The following CTNNA2 variants were observed in gnomAD, a reference collection of about 807,000 sequenced individuals.
CTNNA2 encodes catenin alpha-2.
In CTNNA2, 42 loss-of-function variants were observed where a neutral mutation model predicts 101.0. The ratio of observed to expected loss-of-function variants is 0.42; its 90% CI spans 0.32 to 0.54. CTNNA2 has a LOEUF of 0.54. CTNNA2 is among the 20% of genes least tolerant of loss of function. CTNNA2 has a pLI of 0.14. For synonymous variants in CTNNA2, 450 were observed against 456.4 expected (o/e 0.99, Z 0.18); for missense variants, 871 against 1,223.1 (o/e 0.71, Z 4.29).
chr2:79,881,903 G>A (rs779870187), intron 6 of CTNNA2, among the ~76,000 whole-genome samples: 26 of 149,866 alleles, frequency 1.7e-4, no homozygotes, highest in South Asian at 8.6e-4. Flanking sequence ...TCATAGAGTC[G>A]TTGGCCTTTA....
intron 6 of CTNNA2, among the ~76,000 whole-genome samples, chr2:79,906,785 C>G (rs530290291): frequency 6.6e-6 from 1 of 152,100 alleles, no homozygotes; most frequent in African/African-American, 2.4e-5. Flanking sequence ...TTTCCATGCT[C>G]GAATAGATTT....
At chr2:80,507,119 A>G (rs988689101) in intron 9 of CTNNA2, among the ~76,000 whole-genome samples, 1 of 152,222 alleles carries the variant, frequency 6.6e-6, no homozygotes, top group African/African-American at 2.4e-5. Context: ...TTAGGGTACC[A>G]TGGCAATTTA....
chr2:80,619,179 C>T lies in CTNNA2; in HGVS notation c.2525C>T (p.Thr842Ile). 6.3e-7 allele frequency: 1 copy of T among 1,586,690 alleles called. No individual in the cohort carries two copies. ...AGTCAACTTTCTACCCACCTCCCAA[C>T]CTGTGCTGAGGGAGCTCCGATCGGG... The part of the protein sequence containing the change: ...RASQLSTHLP[T>I]CAEGAPIGSG... The change falls in exon 18 of 19, where the codon ACC becomes ATC. Residue 842 changes from threonine (T) to isoleucine (I), a missense_variant. By Grantham distance (89) the Thr-to-Ile change is moderately conservative. Coordinates refer to ENST00000402739, the MANE Select transcript of CTNNA2 (RefSeq NM_001282597.3).
chr2:80,157,627 A>G (rs1467091468), intron 7 of CTNNA2, among the ~76,000 whole-genome samples: 13 of 151,976 alleles, frequency 8.6e-5, no homozygotes, highest in Admixed American at 6.6e-5. Flanking sequence ...GGTGCTGTGT[A>G]CACTGTCAGA....
At chr2:80,465,886 T>C (rs906851456) in intron 9 of CTNNA2, among the ~76,000 whole-genome samples, 1 of 152,206 alleles carries the variant, frequency 6.6e-6, no homozygotes, top group African/African-American at 2.4e-5. Flanking sequence ...GTGATGGTTT[T>C]TATTTTTTTC....
intron 2 of CTNNA2, among the ~76,000 whole-genome samples, chr2:79,216,816 G>A (rs1271503647): frequency 3.3e-5 from 5 of 151,950 alleles, no homozygotes; most frequent in African/African-American, 1.2e-4. Flanking sequence ...GAGAGAAGGG[G>A]TTGGGGGGTT....
At chr2:79,900,003 T>A (rs1423103147) in intron 6 of CTNNA2, among the ~76,000 whole-genome samples, 1 of 152,192 alleles carries the variant, frequency 6.6e-6, no homozygotes, top group Non-Finnish European at 1.5e-5. Flanking sequence ...AGAGTAAGTG[T>A]TTAAAACCAA....
chr2:80,324,186 G>GTGA lies in CTNNA2; in HGVS notation c.1057-69024_1057-69022dup, dbSNP rs533221075. Among the ~76,000 whole-genome samples the GTGA allele has an allele frequency of 2.2e-4, 34 of 152,254 alleles. 1 individual carries two copies. The South Asian group carries it at 6.8e-3, about 31-fold the overall frequency. ...GTTCTAAAGTTTCAATTAAAGCTAA[G>GTGA]TGACACATGAATATGAAGACTGTCA... On this transcript the variant is annotated intron_variant, in intron 7 of 18. Transcript: ENST00000402739.
Position 79,577,545 on chromosome 2 carries a change from G to A in CTNNA2, c.-6+64338G>A, listed in dbSNP as rs570547079. ...TCAAAAATTGCACAAAAATAATAAA[G>A]TAAATGGTATAATATTTTTATTGTT... On this transcript the variant is annotated intron_variant, in intron 1 of 18. Transcript: ENST00000402739. Among the ~76,000 whole-genome samples, 148 of 152,116 alleles carry A rather than the reference G, an allele frequency of 9.7e-4. 1 individual carries two copies. The highest frequency in any genetic ancestry group is 1.6e-3 in the Non-Finnish European group (109 of 67,914).
At chr2:80,522,049 ATCTG>A (rs1351292931) in intron 9 of CTNNA2, among the ~76,000 whole-genome samples, 3 of 152,322 alleles carry the variant, frequency 2.0e-5, no homozygotes, top group South Asian at 2.1e-4. Flanking sequence ...AAATCAGGTT[ATCTG>A]TCCATATTTC....
At chr2:79,987,271 G>A (rs558703616) in intron 7 of CTNNA2, among the ~76,000 whole-genome samples, 163 of 152,270 alleles carry the variant, frequency 1.1e-3, no homozygotes, top group Non-Finnish European at 1.1e-3. Context: ...TGTGTGTGAG[G>A]ATCACACTTC....
chr2:80,624,253 T>C (rs1472628552), intron 18 of CTNNA2, among the ~76,000 whole-genome samples: 1 of 151,504 alleles, frequency 6.6e-6, no homozygotes, highest in Admixed American at 6.6e-5. Flanking sequence ...AAAAAAAACG[T>C]GTATGTCAGC....
chr2:80,624,944 G>C (rs1424658934), intron 18 of CTNNA2, among the ~76,000 whole-genome samples: 1 of 151,864 alleles, frequency 6.6e-6, no homozygotes, highest in East Asian at 1.9e-4. Context: ...CATTGCCCTT[G>C]TTACACCAAC....
intron 4 of CTNNA2, among the ~76,000 whole-genome samples, chr2:79,424,230 T>G (rs1486158580): frequency 6.6e-6 from 1 of 152,162 alleles, no homozygotes; most frequent in Non-Finnish European, 1.5e-5. Flanking sequence ...CTACGATATA[T>G]TCTGGTTTTA....
At chr2:80,098,156 G>T (rs1350692679) in intron 7 of CTNNA2, among the ~76,000 whole-genome samples, 1 of 152,122 alleles carries the variant, frequency 6.6e-6, no homozygotes, top group Non-Finnish European at 1.5e-5. Context: ...TTTGGTCTTT[G>T]ATGATGGTGA....
rs539510733 is a variant in CTNNA2 at position 79,239,774 on chromosome 2, G to A, written c.-406+41698G>A. Among the ~76,000 whole-genome samples, 4 of 152,274 alleles carry A rather than the reference G, an allele frequency of 2.6e-5. No homozygotes were observed. The East Asian group carries it at 7.7e-4, about 29-fold the overall frequency. ...CATGAACAGGCAACCTATAGAATGT[G>A]AGAAAATTTTTGCAATCTATCCATC... is the stretch of plus-strand genomic sequence containing the variant. On this transcript the variant is annotated intron_variant, in intron 2 of 21. Coordinates refer to the CTNNA2 transcript ENST00000466387.
At chr2:79,453,716 A>G (rs568170314) in intron 4 of CTNNA2, among the ~76,000 whole-genome samples, 4 of 152,270 alleles carry the variant, frequency 2.6e-5, no homozygotes, top group African/African-American at 7.2e-5. Flanking sequence ...ACTGAAGACA[A>G]GCTTAGTATT....
chr2:79,447,088 T>G (rs1260695687), intron 4 of CTNNA2, among the ~76,000 whole-genome samples: 1 of 152,050 alleles, frequency 6.6e-6, no homozygotes, highest in Non-Finnish European at 1.5e-5. Context: ...ATTAGGGTAA[T>G]AAACTTAAGA....
At chr2:79,670,981 A>T (rs1682797111) in intron 2 of CTNNA2, among the ~76,000 whole-genome samples, 1 of 152,200 alleles carries the variant, frequency 6.6e-6, no homozygotes, top group African/African-American at 2.4e-5. Context: ...AAAGGCTGAA[A>T]ATTGGAATAT....
Sources: gnomAD v4.1 joint callset for allele counts (sites outside exome capture counted in the v4.1 genomes callset) on GRCh38, gnomAD v4.1.1 for gene constraint, MANE v1.5 for transcripts, NCBI Gene and HGNC (gene_info 2026-07-23, HGNC 2026-07-21) for gene names.